GRIK4: variants seen among roughly 807,000 people sequenced by gnomAD.
The protein encoded by GRIK4 is glutamate ionotropic receptor kainate type subunit 4, also known as glutamate receptor ionotropic, kainate 4.
A neutral mutation model predicts 104.9 loss-of-function variants in GRIK4; 40 were observed. The ratio of observed to expected loss-of-function variants is 0.38; its 90% confidence interval spans 0.30 to 0.50. The LOEUF (loss-of-function observed/expected upper bound fraction) is 0.50, where lower values mean the gene tolerates loss of function less well. Among genes scored for constraint, GRIK4 ranks in the 20% least tolerant of loss-of-function variants. GRIK4 has a pLI of 0.93. For synonymous variants in GRIK4, 485 were observed against 524.9 expected (o/e 0.92, Z 1.04); for missense variants, 1,047 against 1,308.1 (o/e 0.80, Z 3.08).
At chr11:120,837,595 A>G (rs1466395769) in intron 8 of GRIK4, among the ~76,000 whole-genome samples, 4 of 152,182 alleles carry the variant, frequency 2.6e-5, no homozygotes, top group African/African-American at 9.7e-5. Context: ...CTGTGTAAGC[A>G]GCACACAGCT....
At chr11:120,871,407 G>T (rs1954605931) in intron 9 of GRIK4, 1 of 352,962 alleles carries the variant, frequency 2.8e-6, no homozygotes, top group Non-Finnish European at 5.6e-6. Context: ...AATGAAGAAG[G>T]AGCTGAGGGC....
chr11:120,897,020 T>C (rs947880549), intron 11 of GRIK4, among the ~76,000 whole-genome samples: 5 of 152,154 alleles, frequency 3.3e-5, no homozygotes, highest in Admixed American at 6.6e-5. Context: ...TTTGTATGTA[T>C]AAAAAGAGTT....
intron 1 of GRIK4, among the ~76,000 whole-genome samples, chr11:120,581,677 G>A (rs1206647738): frequency 2.0e-5 from 3 of 151,916 alleles, no homozygotes; most frequent in African/African-American, 4.8e-5. Context: ...TTTTTGCGAC[G>A]GGCTTATTTC....
At chr11:120,866,593 G>A (rs1213597307) in intron 9 of GRIK4, among the ~76,000 whole-genome samples, 1 of 152,290 alleles carries the variant, frequency 6.6e-6, no homozygotes. Flanking sequence ...GGGATATTCA[G>A]TGAGTGGGGG....
chr11:120,638,116 G>A (rs2135195020), intron 1 of GRIK4, among the ~76,000 whole-genome samples: 1 of 152,242 alleles, frequency 6.6e-6, no homozygotes, highest in Non-Finnish European at 1.5e-5. Context: ...CTGACCTCAG[G>A]TGTTCAGCCT....
chr11:120,857,760 C>T (rs754135519), intron 8 of GRIK4, among the ~76,000 whole-genome samples: 2 of 152,166 alleles, frequency 1.3e-5, no homozygotes, highest in Admixed American at 1.3e-4. Flanking sequence ...CTCAAAACAG[C>T]GTTGACCAAA....
chr11:120,776,630 G>A (rs185139300), intron 3 of GRIK4, among the ~76,000 whole-genome samples: 62 of 152,318 alleles, frequency 4.1e-4, no homozygotes, highest in Non-Finnish European at 7.6e-4. Flanking sequence ...TGAGGGTCAG[G>A]AATGTGGGAG....
rs150547595 is a variant in GRIK4, at chr11:120,721,565, C to T, written c.82+61165C>T. Among the ~76,000 whole-genome samples the T allele has an allele frequency of 9.2e-5, 14 of 152,174 alleles. No individual in the cohort carries two copies. The East Asian group carries it at 2.7e-3, about 29-fold the overall frequency. ...TTACTGTGGTTTCTGTGGGAAGAAC[C>T]AGGTGAAGCAAGGCAAGCAGATTTA... is the stretch of plus-strand genomic sequence containing the variant. On this transcript the variant is annotated intron_variant, in intron 3 of 20. Transcript: ENST00000527524.
At chr11:120,566,166 C>CA (rs933171292) in intron 1 of GRIK4, among the ~76,000 whole-genome samples, 3 of 152,114 alleles carry the variant, frequency 2.0e-5, no homozygotes, top group African/African-American at 7.2e-5. Flanking sequence ...AATGAAAAGG[C>CA]AAAAAATTCT....
chr11:120,963,680 C>G (rs551671212), intron 18 of GRIK4, among the ~76,000 whole-genome samples: 2 of 152,156 alleles, frequency 1.3e-5, no homozygotes, highest in African/African-American at 4.8e-5. Context: ...TACCTTAGCT[C>G]AAAACTCTGT....
chr11:120,781,844 C>T (rs1952163676), intron 3 of GRIK4, among the ~76,000 whole-genome samples: 1 of 152,204 alleles, frequency 6.6e-6, no homozygotes, highest in Non-Finnish European at 1.5e-5. Context: ...AGATTCTCAC[C>T]ATGGCCCTTG....
intron 4 of GRIK4, among the ~76,000 whole-genome samples, chr11:120,811,874 T>C (rs1358115410): frequency 6.6e-6 from 1 of 152,200 alleles, no homozygotes; most frequent in East Asian, 1.9e-4. Flanking sequence ...AGGTGTTGAG[T>C]GGGCCTCAGT....
chr11:120,569,110 G>A (rs533768875), intron 1 of GRIK4, among the ~76,000 whole-genome samples: 2 of 152,358 alleles, frequency 1.3e-5, no homozygotes, highest in African/African-American at 4.8e-5. Flanking sequence ...GGTGCTTAGA[G>A]CCATTTGCTT....
At chr11:120,525,168 G>A (rs573774427) in intron 1 of GRIK4, among the ~76,000 whole-genome samples, 2 of 152,330 alleles carry the variant, frequency 1.3e-5, no homozygotes, top group East Asian at 3.9e-4. Flanking sequence ...GCCCTGGGAA[G>A]GGGTGATATC....
At chr11:120,756,779 T>G (rs1162015479) in intron 3 of GRIK4, among the ~76,000 whole-genome samples, 1 of 152,154 alleles carries the variant, frequency 6.6e-6, no homozygotes, top group African/African-American at 2.4e-5. Flanking sequence ...TAGGGGAGCA[T>G]CCAGGCCCTG....
chr11:120,535,755 G>A (rs1041428138), intron 1 of GRIK4, among the ~76,000 whole-genome samples: 1 of 152,212 alleles, frequency 6.6e-6, no homozygotes, highest in African/African-American at 2.4e-5. Context: ...CTGAGTGAAC[G>A]TTGCATTTTT....
At chr11:120,816,196 A>C (rs1005669804) in intron 5 of GRIK4, among the ~76,000 whole-genome samples, 1 of 152,148 alleles carries the variant, frequency 6.6e-6, no homozygotes, top group Admixed American at 6.5e-5. Flanking sequence ...TTTTCCCCAG[A>C]GAAGACAAAC....
chr11:120,711,001 G>GGGT lies in GRIK4; in HGVS notation c.82+50601_82+50602insGGT, dbSNP rs146255023. 7.2e-3 allele frequency among the ~76,000 whole-genome samples: 1,085 copies of GGGT among 149,958 alleles called. 85 individuals are homozygous for GGGT. In the East Asian group the frequency reaches 0.13, roughly 18 times the overall value. On this transcript the variant is annotated intron_variant, in intron 3 of 20. Transcript: ENST00000527524. ...GCCTCGCTTGCCCCTGTGAGGTGGG[G>GGGT]AGGGGGTGTGAGCAGCTGCAGGGCC...
At chr11:120,575,640 C>T (rs1948472877) in intron 1 of GRIK4, among the ~76,000 whole-genome samples, 1 of 151,966 alleles carries the variant, frequency 6.6e-6, no homozygotes, top group African/African-American at 2.4e-5. Flanking sequence ...GTAGAACTGA[C>T]TCCTGCTCTT....
Sources: gnomAD v4.1 joint callset for allele counts (sites outside exome capture counted in the v4.1 genomes callset) on GRCh38, gnomAD v4.1.1 for gene constraint, MANE v1.5 for transcripts, NCBI Gene and HGNC (gene_info 2026-07-23, HGNC 2026-07-21) for gene names.